The following EEFSEC variants were observed in gnomAD, a reference collection of about 807,000 sequenced individuals.
EEFSEC encodes selenocysteine-specific elongation factor.
In EEFSEC, 43 loss-of-function variants were observed where a neutral mutation model predicts 42.1. The ratio of observed to expected loss-of-function variants is 1.02; its 90% CI spans 0.80 to 1.32. The LOEUF (loss-of-function observed/expected upper bound fraction) is 1.32, where lower values mean the gene tolerates loss of function less well. Ranked by LOEUF, EEFSEC falls within the 40% of genes most tolerant of loss-of-function variation. The pLI is 0.00. For missense variants in EEFSEC, 745 were observed against 803.6 expected (o/e 0.93, Z 0.88); for synonymous variants, 354 against 339.1 (o/e 1.04, Z -0.48).
At position 128,154,367 on chromosome 3, in the gene EEFSEC, A is replaced by G. The variant is rs529730417; in HGVS notation, c.316+544A>G. On this transcript the variant is annotated intron_variant, in intron 1 of 6. Coordinates refer to ENST00000254730, the MANE Select transcript of EEFSEC (RefSeq NM_021937.5). Reference sequence around the variant, plus strand: ...CAACATTGTGTCTGGAGAGTGCCCCATATCTGTACACAAAGCTACATCATT... The same window carrying G: ...CAACATTGTGTCTGGAGAGTGCCCCGTATCTGTACACAAAGCTACATCATT... Among the ~76,000 whole-genome samples the G allele has an allele frequency of 2.0e-5, 3 of 152,026 alleles. No homozygotes were observed. In the South Asian group the frequency reaches 6.2e-4, roughly 32 times the overall value.
At chr3:128,356,215 A>C (rs577085092) in intron 5 of EEFSEC, among the ~76,000 whole-genome samples, 37 of 152,226 alleles carry the variant, frequency 2.4e-4, no homozygotes, top group Non-Finnish European at 4.8e-4. Flanking sequence ...ATACCTGCGT[A>C]TATTATCCCT....
At chr3:128,217,262 A>T (rs1367304053) in intron 1 of EEFSEC, among the ~76,000 whole-genome samples, 4 of 152,082 alleles carry the variant, frequency 2.6e-5, no homozygotes, top group Non-Finnish European at 5.9e-5. Context: ...TGTGGGACAG[A>T]GGTAAGGTCT....
chr3:128,275,604 C>T (rs1205250409), intron 4 of EEFSEC, among the ~76,000 whole-genome samples: 1 of 152,228 alleles, frequency 6.6e-6, no homozygotes, highest in Non-Finnish European at 1.5e-5. Context: ...GTGAACATGG[C>T]TTCCAGAGTG....
At chr3:128,341,153 C>T (rs945701966) in intron 4 of EEFSEC, 80 bp from the exon 5 acceptor site, 2 of 1,503,876 alleles carry the variant, frequency 1.3e-6, no homozygotes, top group Non-Finnish European at 1.8e-6. Flanking sequence ...GCACAGGATT[C>T]TCTAGCTGCA....
chr3:128,173,038 A>G (rs1309339803), intron 1 of EEFSEC, among the ~76,000 whole-genome samples: 2 of 152,222 alleles, frequency 1.3e-5, no homozygotes, highest in African/African-American at 2.4e-5. Flanking sequence ...GATCAGTGGC[A>G]TTTAATGCAA....
intron 1 of EEFSEC, among the ~76,000 whole-genome samples, chr3:128,171,761 G>A (rs2065298697): frequency 6.6e-6 from 1 of 150,542 alleles, no homozygotes; most frequent in Non-Finnish European, 1.5e-5. Context: ...TTTCTATAGA[G>A]ACTTTTAAGC....
intron 2 of EEFSEC, among the ~76,000 whole-genome samples, chr3:128,251,123 T>G (rs945278325): frequency 6.6e-6 from 1 of 152,100 alleles, no homozygotes; most frequent in Non-Finnish European, 1.5e-5. Context: ...CCCCCCATCT[T>G]TTCTTTACAT....
intron 6 of EEFSEC, among the ~76,000 whole-genome samples, chr3:128,378,285 C>G (rs1040119647): frequency 2.1e-4 from 32 of 152,334 alleles, no homozygotes; most frequent in African/African-American, 6.7e-4. Context: ...AGCCCAGACC[C>G]AGGGCCTGTC....
At chr3:128,291,615 A>C (rs1576612366) in intron 4 of EEFSEC, among the ~76,000 whole-genome samples, 2 of 152,346 alleles carry the variant, frequency 1.3e-5, no homozygotes, top group East Asian at 1.9e-4. Flanking sequence ...AAGTGGACTT[A>C]AGACATATAT....
At chr3:128,374,308 CTGTGCT>C (rs1362869734) in intron 6 of EEFSEC, among the ~76,000 whole-genome samples, 1 of 152,226 alleles carries the variant, frequency 6.6e-6, no homozygotes, top group East Asian at 1.9e-4. Flanking sequence ...CCTCCAAGGG[CTGTGCT>C]TGTAGACTTG....
At chr3:128,324,351 T>C (rs1253618201) in intron 4 of EEFSEC, among the ~76,000 whole-genome samples, 3 of 152,208 alleles carry the variant, frequency 2.0e-5, no homozygotes, top group Admixed American at 6.5e-5. Context: ...CAGGGATTTA[T>C]TCTCCTCTGC....
At chr3:128,248,491 T>A (rs2066150818) in intron 2 of EEFSEC, among the ~76,000 whole-genome samples, 1 of 152,242 alleles carries the variant, frequency 6.6e-6, no homozygotes, top group Admixed American at 6.5e-5. Context: ...AATTCATCAA[T>A]CCGATAAAAT....
chr3:128,312,535 G>A (rs978020629), intron 4 of EEFSEC, among the ~76,000 whole-genome samples: 1 of 152,398 alleles, frequency 6.6e-6, no homozygotes, highest in East Asian at 1.9e-4. Flanking sequence ...GTTTAGAAGA[G>A]GCTCCGCCTT....
intron 6 of EEFSEC, among the ~76,000 whole-genome samples, chr3:128,376,796 T>A (rs1203267328): frequency 1.3e-5 from 2 of 152,132 alleles, no homozygotes; most frequent in Non-Finnish European, 2.9e-5. Flanking sequence ...GAGTCAGCAG[T>A]GTCTCATGAT....
At chr3:128,194,563 T>TA (rs1186664757) in intron 1 of EEFSEC, among the ~76,000 whole-genome samples, 3 of 152,218 alleles carry the variant, frequency 2.0e-5, no homozygotes, top group Admixed American at 2.0e-4. Flanking sequence ...TTTCAGGGAA[T>TA]AATCTGAAAT....
chr3:128,175,533 C>T (rs763040875), intron 1 of EEFSEC, among the ~76,000 whole-genome samples: 2 of 152,086 alleles, frequency 1.3e-5, no homozygotes, highest in Non-Finnish European at 2.9e-5. Flanking sequence ...GCCTGGGATC[C>T]CAGGCAACAT....
intron 4 of EEFSEC, among the ~76,000 whole-genome samples, chr3:128,303,134 A>C (rs1174293146): frequency 6.6e-6 from 1 of 152,054 alleles, no homozygotes; most frequent in African/African-American, 2.4e-5. Context: ...TATTATTATT[A>C]CTATTATTAT....
chr3:128,222,776 A>G (rs2065873553), intron 1 of EEFSEC, among the ~76,000 whole-genome samples: 1 of 152,262 alleles, frequency 6.6e-6, no homozygotes, highest in Admixed American at 6.5e-5. Context: ...AAAGGAAGGA[A>G]GGGACAGGAA....
chr3:128,369,167 T>C (rs1426142129), intron 6 of EEFSEC, among the ~76,000 whole-genome samples: 1 of 152,110 alleles, frequency 6.6e-6, no homozygotes, highest in Non-Finnish European at 1.5e-5. Flanking sequence ...CCAATGGAAG[T>C]GGACATCACC....
Sources: allele counts gnomAD v4.1 joint callset (sites outside exome capture counted in the v4.1 genomes callset), GRCh38; gene constraint gnomAD v4.1.1; transcripts MANE v1.5; gene names NCBI Gene and HGNC (gene_info 2026-07-23, HGNC 2026-07-21).